The following PTBP1 variants were observed in gnomAD, a reference collection of about 807,000 sequenced individuals.
PTBP1 encodes polypyrimidine tract-binding protein 1.
Under a neutral mutation model 59.8 loss-of-function variants are expected in PTBP1, and 8 were observed. The observed-to-expected ratio is 0.13, with a 90% CI of 0.08 to 0.24. PTBP1 has a LOEUF of 0.24. Ranked by LOEUF, PTBP1 falls within the 10% of genes least tolerant of loss-of-function variation. The pLI, the probability that PTBP1 is intolerant of heterozygous loss-of-function variation, is 1.00. For missense variants in PTBP1, 686 were observed against 767.0 expected (o/e 0.89, Z 1.25); for synonymous variants, 490 against 320.7 (o/e 1.53, Z -5.64).
At chr19:803,698 G>C in intron 3 of PTBP1, 62 bp downstream of exon 3, 3 of 1,434,108 alleles carry the variant, frequency 2.1e-6, no homozygotes, top group East Asian at 2.3e-5. Context: ...ACAACGTTAC[G>C]TTCTTGTTCT....
chr19:804,714 C>A lies in PTBP1; in HGVS notation c.606+12C>A. On this transcript the variant is annotated intron_variant, in intron 6 of 14. Coordinates refer to ENST00000356948, the MANE Select transcript of PTBP1 (RefSeq NM_002819.5). The stretch of plus-strand genomic sequence containing the variant: ...ATGTGCTGCACCAGGTGAGGTGGTC[C>A]CATCACCGCCAGGGCAGGTCGGCTG... 6.2e-7 allele frequency: 1 copy of A among 1,610,280 alleles called. No individual in the cohort carries two copies. Among genetic ancestry groups the A allele is most frequent in the Non-Finnish European group, 8.5e-7 (1 of 1,177,396 alleles).
chr19:798,941 C>G (rs1308655536), intron 1 of PTBP1, among the ~76,000 whole-genome samples: 4 of 152,250 alleles, frequency 2.6e-5, no homozygotes, highest in African/African-American at 7.2e-5. Flanking sequence ...GGATCGGGCT[C>G]CACTCTGCTG....
rs149763550 is a variant in PTBP1, at chr19:803,389, C to T, written c.40-172C>T. Among the ~76,000 whole-genome samples the T allele has an allele frequency of 1.0e-3, 152 of 152,236 alleles. 1 individual carries two copies. The highest frequency in any genetic ancestry group is 6.2e-3 in the East Asian group (32 of 5,178). On this transcript the variant is annotated intron_variant, in intron 2 of 14. Coordinates refer to ENST00000356948, the MANE Select transcript of PTBP1 (RefSeq NM_002819.5). ...TCGTGGAGCTGTGGGGTGCCGTGCG[C>T]GTCCATGGGCTGGGTCTGCGCTCAG...
chr19:807,463 G>C (rs1029523611), intron 10 of PTBP1: 8 of 184,966 alleles, frequency 4.3e-5, no homozygotes, highest in African/African-American at 1.7e-4. Context: ...CCTGTAACTG[G>C]AATGTGTGTG....
In PTBP1 at chr19:797,900, C is replaced by T. The variant is rs145588409; in HGVS notation, c.8+395C>T. ...CCTCCCGTCCGCTCCCCTCGTGCGC[C>T]TGCGTAGCCCGTCGCGCGTCCCCGT... On this transcript the variant is annotated intron_variant, in intron 1 of 14. Coordinates refer to ENST00000356948, the MANE Select transcript of PTBP1 (RefSeq NM_002819.5). Among the ~76,000 whole-genome samples the T allele has an allele frequency of 9.2e-3, 1,372 of 148,940 alleles. 22 individuals are homozygous for T. The highest frequency in any genetic ancestry group is 0.031 in the African/African-American group (1,292 of 41,178).
Position 810,778 on chromosome 19 carries a change from C to G in PTBP1, c.1626C>G (p.Leu542=). Residue 542 remains leucine, a synonymous_variant, in exon 15 of 15, where the codon CTC becomes CTG. Coordinates refer to ENST00000356948, the MANE Select transcript of PTBP1 (RefSeq NM_002819.5). ...TCATTGACCTGCACAACCACGACCT[C>G]GGGGAGAACCACCACCTGCGGGTCT... ...QALIDLHNHD[L]GENHHLRVSF... 6.3e-7 allele frequency: 1 copy of G among 1,594,602 alleles called. No individual in the cohort carries two copies. The highest frequency in any genetic ancestry group is 8.5e-7 in the Non-Finnish European group (1 of 1,172,046).
At chr19:799,296 C>A (rs1166202232) in intron 1 of PTBP1, 117 bp from the exon 2 acceptor site, 2 of 914,296 alleles carry the variant, frequency 2.2e-6, no homozygotes, top group African/African-American at 1.6e-5. Flanking sequence ...CCAGAGGGAG[C>A]CCTGCGGAGG....
chr19:810,573 C>T lies in PTBP1; in HGVS notation c.1494C>T (p.Val498=). ...CAGTCTCCGAGGAGGATCTCAAGGT[C>T]CTGTTTTCCAGCAATGGGGGCGTCG... The part of the protein sequence containing the change: ...PPSVSEEDLK[V]LFSSNGGVVK... The change falls in exon 14 of 15, where the codon GTC becomes GTT. Residue 498 remains valine (V), a synonymous_variant. Coordinates refer to ENST00000356948, the MANE Select transcript of PTBP1 (RefSeq NM_002819.5). The T allele has an allele frequency of 2.5e-6, 4 of 1,613,694 alleles. No homozygotes were observed. The highest frequency in any genetic ancestry group is 2.2e-5 in the South Asian group (2 of 91,010).
intron 2 of PTBP1, among the ~76,000 whole-genome samples, chr19:800,350 C>G (rs960183402): frequency 2.0e-5 from 3 of 152,160 alleles, no homozygotes; most frequent in Admixed American, 6.5e-5. Flanking sequence ...ATCTTGCAGC[C>G]CCATGGAGGG....
intron 2 of PTBP1, among the ~76,000 whole-genome samples, chr19:800,588 T>C (rs1382755133): frequency 6.6e-6 from 1 of 152,200 alleles, no homozygotes; most frequent in Non-Finnish European, 1.5e-5. Context: ...AGCAGCCAGT[T>C]GGTTTCTGGT....
chr19:807,923 T>C, intron 11 of PTBP1, 21 bp downstream of exon 11: 1 of 1,603,174 alleles, frequency 6.2e-7, no homozygotes, highest in South Asian at 1.1e-5. Flanking sequence ...GTTCACACTT[T>C]TATTACCTTG....
chr19:801,095 A>C (rs369119816), intron 2 of PTBP1, among the ~76,000 whole-genome samples: 1 of 150,386 alleles, frequency 6.6e-6, no homozygotes, highest in South Asian at 2.1e-4. Context: ...AGGACAGAGC[A>C]AGCTCTTGTT....
chr19:804,110 C>G lies in PTBP1; in HGVS notation c.190C>G (p.Arg64Gly). 3 of 1,613,976 alleles carry G rather than the reference C, an allele frequency of 1.9e-6. No individual in the cohort carries two copies. The highest frequency in any genetic ancestry group is 1.3e-5 in the African/African-American group (1 of 75,016). The change falls in exon 4 of 15, where the codon CGG becomes GGG. Residue 64 changes from arginine to glycine, a missense_variant. Transcript: ENST00000356948. ...AGVPSRVIHIRKLPIDVTEGE... is the reference protein window; with the variant it reads ...AGVPSRVIHIGKLPIDVTEGE... ...CGTCCCCTCTAGAGTGATCCACATC[C>G]GGAAGCTCCCCATCGACGTCACGGA...
In PTBP1 at chr19:805,113, G is replaced by A. The variant is rs1237549200; in HGVS notation, c.818G>A (p.Arg273His). ...LNVKYNNDKS[R>H]DYTRPDLPSG... ...GTCAAGTACAACAATGACAAGAGCC[G>A]TGACTACACACGCCCAGACCTGCCT... is the stretch of plus-strand genomic sequence containing the variant. Residue 273 changes from arginine (R) to histidine (H), a missense_variant, in exon 8 of 15, where the codon CGT becomes CAT. Coordinates refer to ENST00000356948, the MANE Select transcript of PTBP1 (RefSeq NM_002819.5). 1.2e-6 allele frequency: 2 copies of A among 1,613,864 alleles called. No homozygotes were observed. Among genetic ancestry groups the A allele is most frequent in the Non-Finnish European group, 1.7e-6 (2 of 1,179,884 alleles).
rs562038406 is a variant in PTBP1, at chr19:811,130, G to A, written c.*304G>A. 26 of 276,910 alleles carry A rather than the reference G, an allele frequency of 9.4e-5. No homozygotes were observed. The highest frequency in any genetic ancestry group is 2.6e-4 in the East Asian group (4 of 15,352). The allele number at this position is 276,910 out of a possible 1,614,324, so 17.2% of individuals were successfully genotyped here. ...TCGGGCGTGGGGCCTGCAGGTGGGCGCCCCGACCACGACTTGGCTTCCTTG... is the reference window on the plus strand; with the variant it reads ...TCGGGCGTGGGGCCTGCAGGTGGGCACCCCGACCACGACTTGGCTTCCTTG... On this transcript the variant is annotated 3_prime_UTR_variant, in exon 15 of 15. Coordinates refer to ENST00000356948, the MANE Select transcript of PTBP1 (RefSeq NM_002819.5).
chr19:805,291 A>G (rs1599231440), intron 8 of PTBP1, 104 bp downstream of exon 8: 5 of 1,365,224 alleles, frequency 3.7e-6, no homozygotes, highest in Middle Eastern at 2.5e-4. Flanking sequence ...AGGGTGATGC[A>G]CCTGCTGCTC....
rs1135908 is a variant in PTBP1, at chr19:808,742, G to T, written c.1443G>T (p.Thr481=). 246,066 of 1,611,518 alleles carry T rather than the reference G, an allele frequency of 0.15. 21,064 individuals are homozygous for T. Among genetic ancestry groups the T allele is most frequent in the Admixed American group, 0.25 (15,028 of 59,792 alleles). Residue 481 remains threonine, a synonymous_variant, in exon 13 of 15, where the codon ACG becomes ACT. Coordinates refer to ENST00000356948, the MANE Select transcript of PTBP1 (RefSeq NM_002819.5). This position sits in a 1 kb window ranked among gnomAD's most constrained non-coding sequence, Gnocchi z 4.7. The stretch of plus-strand genomic sequence containing the variant: ...AGAACATATTCCCGCCCTCGGCCAC[G>T]CTGCACCTCTCCAACATCCCGTGAG... ...NFQNIFPPSA[T]LHLSNIPPSV... is the part of the protein sequence containing the mutation.
chr19:809,263 T>A (rs946391826), intron 13 of PTBP1, among the ~76,000 whole-genome samples: 12 of 152,048 alleles, frequency 7.9e-5, no homozygotes, highest in Admixed American at 5.2e-4. Context: ...TGCTTCGGCC[T>A]CCCAAAGTGC....
At chr19:803,433 T>C in intron 2 of PTBP1, 128 bp from the exon 3 acceptor site, 1 of 730,564 alleles carries the variant, frequency 1.4e-6, no homozygotes, top group Non-Finnish European at 2.4e-6. Flanking sequence ...GCCGTGGAAG[T>C]GTGGGTGTGG....
Sources: allele counts gnomAD v4.1 joint callset (sites outside exome capture counted in the v4.1 genomes callset), GRCh38; gene constraint gnomAD v4.1.1; non-coding constraint Gnocchi (gnomAD v3.1); transcripts MANE v1.5; gene names NCBI Gene and HGNC (gene_info 2026-07-23, HGNC 2026-07-21).